PPARGC1A: variants seen among roughly 807,000 people sequenced by gnomAD.
The protein encoded by PPARGC1A is PPARG coactivator 1 alpha.
PPARGC1A carries 25 observed loss-of-function variants against 88.7 expected under a neutral mutation model. The observed-to-expected ratio is 0.28, with a 90% CI of 0.21 to 0.39. The LOEUF (loss-of-function observed/expected upper bound fraction) is 0.39. PPARGC1A is among the 10% of genes least tolerant of loss of function. The pLI, the probability that PPARGC1A is intolerant of heterozygous loss-of-function variation, is 1.00. For synonymous variants in PPARGC1A, 363 were observed against 355.6 expected, an observed-to-expected ratio of 1.02 and a Z score of -0.24; for missense variants, 880 against 968.7, an observed-to-expected ratio of 0.91 and a Z score of 1.22.
chr4:24,106,312 G>A, the PPARGC1A span, among the ~76,000 whole-genome samples: 3 of 152,092 alleles, frequency 2.0e-5, no homozygotes, highest in Non-Finnish European at 2.9e-5. Flanking sequence ...AGACACAAAG[G>A]CAACAATCAA....
At chr4:24,134,970 A>C in the PPARGC1A span, among the ~76,000 whole-genome samples, 5 of 152,148 alleles carry the variant, frequency 3.3e-5, no homozygotes, top group African/African-American at 1.2e-4. Flanking sequence ...CCCTTCCTGC[A>C]CACCTTGCAC....
the PPARGC1A span, among the ~76,000 whole-genome samples, chr4:24,319,819 T>C: frequency 2.1e-4 from 32 of 152,348 alleles, no homozygotes; most frequent in African/African-American, 7.0e-4. Flanking sequence ...GAATTCACTA[T>C]AAGAGGGATA....
chr4:23,803,713 T>C (rs980593381), intron 10 of PPARGC1A, among the ~76,000 whole-genome samples: 1 of 152,266 alleles, frequency 6.6e-6, no homozygotes, highest in South Asian at 2.1e-4. Flanking sequence ...GGACAAACAA[T>C]GATAAAATGA....
chr4:24,155,112 C>A, the PPARGC1A span, among the ~76,000 whole-genome samples: 4 of 144,970 alleles, frequency 2.8e-5, no homozygotes, highest in Admixed American at 2.7e-4. Flanking sequence ...TCTCTTCGAA[C>A]CTCGGTTTTG....
chr4:23,855,203 G>A (rs569520349), intron 2 of PPARGC1A, among the ~76,000 whole-genome samples: 34 of 152,226 alleles, frequency 2.2e-4, no homozygotes, highest in African/African-American at 7.7e-4. Context: ...ATGGAGCTGT[G>A]AGTCCATTAA....
the PPARGC1A span, among the ~76,000 whole-genome samples, chr4:23,957,011 G>A: frequency 1.3e-5 from 2 of 152,054 alleles, no homozygotes; most frequent in Non-Finnish European, 2.9e-5. Flanking sequence ...CGTAACTGGT[G>A]GGACCAGGAT....
chr4:24,470,308 ACACACACACACACACACT>A, the PPARGC1A span, among the ~76,000 whole-genome samples: 14 of 146,800 alleles, frequency 9.5e-5, no homozygotes, highest in Admixed American at 4.0e-4. The surrounding 1 kb of genome is among the most constrained non-coding windows in gnomAD (Gnocchi z 5.8). Context: ...ACACACACAC[ACACACACACACACACACT>A]CTCTCACACA....
rs370853178 is a variant in PPARGC1A at position 23,810,658 on chromosome 4, C to T, written c.2019+2089G>A. ...TAAAATATTAATCTGGCTTTAGTTACAACTGTGTTGTGTCATGGCCATATA... is the reference window on the plus strand; with the variant it reads ...TAAAATATTAATCTGGCTTTAGTTATAACTGTGTTGTGTCATGGCCATATA... On this transcript the variant is annotated intron_variant, in intron 10 of 12. Coordinates refer to ENST00000264867, the MANE Select transcript of PPARGC1A (RefSeq NM_013261.5). Among the ~76,000 whole-genome samples the T allele has an allele frequency of 3.9e-5, 6 of 152,284 alleles. No individual in the cohort carries two copies. The South Asian group carries it at 1.2e-3, about 32-fold the overall frequency.
the PPARGC1A span, among the ~76,000 whole-genome samples, chr4:23,914,426 T>C: frequency 6.6e-6 from 1 of 152,208 alleles, no homozygotes. Context: ...GTCCTTAAAA[T>C]TAGTGGAGGA....
the PPARGC1A span, among the ~76,000 whole-genome samples, chr4:24,293,253 C>A: frequency 1.3e-4 from 1 of 7,760 alleles, no homozygotes; most frequent in African/African-American, 8.8e-4. Context: ...CACCCCCACC[C>A]CTTCCTGCGC....
Position 23,859,642 on chromosome 4 carries a change from G to C in PPARGC1A, c.234+25110C>G, listed in dbSNP as rs1004330229. ...TAAAAATACAAAAAATTAGCCCAGC[G>C]TGGTGGCGGGCGCCTGTAATCCCAG... On this transcript the variant is annotated intron_variant, in intron 2 of 12. Transcript: ENST00000264867. Among the ~76,000 whole-genome samples the C allele has an allele frequency of 5.3e-5, 8 of 151,822 alleles. 1 individual carries two copies. The highest frequency in any genetic ancestry group is 1.7e-4 in the African/African-American group (7 of 41,404).
At chr4:24,331,767 TTA>T in the PPARGC1A span, among the ~76,000 whole-genome samples, 630 of 143,654 alleles carry the variant, frequency 4.4e-3, 8 homozygotes, top group African/African-American at 0.015. Flanking sequence ...TGTGTTTATT[TTA>T]TATATATATA....
chr4:24,432,658 A>T, the PPARGC1A span, among the ~76,000 whole-genome samples: 13 of 152,190 alleles, frequency 8.5e-5, no homozygotes, highest in Non-Finnish European at 4.4e-5. Flanking sequence ...AGTTAGCTCC[A>T]GTCTTAGCCC....
the PPARGC1A span, among the ~76,000 whole-genome samples, chr4:24,275,596 T>C: frequency 6.6e-6 from 1 of 152,184 alleles, no homozygotes; most frequent in African/African-American, 2.4e-5. Context: ...CAGGAACCCT[T>C]TAATAAATAG....
the PPARGC1A span, among the ~76,000 whole-genome samples, chr4:24,353,006 A>C: frequency 6.6e-6 from 1 of 152,252 alleles, no homozygotes; most frequent in East Asian, 1.9e-4. Flanking sequence ...TCGTTAGCTG[A>C]TCACCGCCAA....
the PPARGC1A span, among the ~76,000 whole-genome samples, chr4:24,151,487 C>A: frequency 6.6e-6 from 1 of 152,134 alleles, no homozygotes; most frequent in Non-Finnish European, 1.5e-5. Flanking sequence ...CTCCATTTAC[C>A]ATCACACCGG....
At chr4:23,839,782 G>A (rs1403914304) in intron 2 of PPARGC1A, among the ~76,000 whole-genome samples, 2 of 138,956 alleles carry the variant, frequency 1.4e-5, no homozygotes, top group Admixed American at 7.7e-5. Context: ...CACATCTTAC[G>A]TGGATGGTGT....
the PPARGC1A span, among the ~76,000 whole-genome samples, chr4:23,997,979 T>C: frequency 2.6e-5 from 4 of 152,214 alleles, no homozygotes; most frequent in Admixed American, 2.6e-4. Flanking sequence ...TCTTCGGCCA[T>C]AATGTAGGAT....
At chr4:24,075,304 C>T in the PPARGC1A span, among the ~76,000 whole-genome samples, 1 of 152,250 alleles carries the variant, frequency 6.6e-6, no homozygotes, top group South Asian at 2.1e-4. Flanking sequence ...TGGTGTCCAC[C>T]AGAGTCATCT....
Sources: allele counts gnomAD v4.1 joint callset (sites outside exome capture counted in the v4.1 genomes callset), GRCh38; gene constraint gnomAD v4.1.1; non-coding constraint Gnocchi (gnomAD v3.1); transcripts MANE v1.5; gene names NCBI Gene and HGNC (gene_info 2026-07-23, HGNC 2026-07-21).